The following SLC25A13 variants were observed in gnomAD, a reference collection of about 807,000 sequenced individuals.
SLC25A13 encodes the protein electrogenic aspartate/glutamate antiporter SLC25A13, mitochondrial.
Under a neutral mutation model 85.5 loss-of-function variants are expected in SLC25A13, and 70 were observed. The observed-to-expected ratio is 0.82, with a 90% CI of 0.68 to 1.00. The LOEUF is 1.00. Ranked by LOEUF, SLC25A13 falls within the 50% of genes least tolerant of loss-of-function variation. The probability of loss-of-function intolerance (pLI) is 0.00; values close to 1 mark genes in which losing one functional copy is unlikely to be tolerated. For missense variants in SLC25A13, 765 were observed against 819.8 expected, an observed-to-expected ratio of 0.93 and a Z score of 0.82; for synonymous variants, 259 against 288.7, an observed-to-expected ratio of 0.90 and a Z score of 1.04.
intron 11 of SLC25A13, among the ~76,000 whole-genome samples, chr7:96,173,970 G>A (rs557107711): frequency 2.0e-5 from 3 of 152,346 alleles, no homozygotes; most frequent in Non-Finnish European, 4.4e-5. Flanking sequence ...AGCAAGGAAA[G>A]CAGCCAATTG....
rs898770101 is a variant in SLC25A13, at chr7:96,120,603, T to C, written c.*588A>G. The stretch of plus-strand genomic sequence containing the variant: ...CTAGTAGTCTTGGTACCAGTAACAA[T>C]ATGATTACTAAACATCTCCAATGTG... On this transcript the variant is annotated 3_prime_UTR_variant, in exon 18 of 18. Coordinates refer to ENST00000265631, the MANE Select transcript of SLC25A13 (RefSeq NM_014251.3). The C allele has an allele frequency of 8.8e-6, 4 of 454,538 alleles. No homozygotes were observed. In the Admixed American group the frequency reaches 9.4e-5, roughly 11 times the overall value. 28.2% of individuals were successfully genotyped at this position (454,538 alleles called of 1,614,324 possible). A position where few individuals can be genotyped will look rare whatever the true frequency, so the allele number is the denominator to read the frequency against.
At chr7:96,142,703 T>C (rs1267304120) in intron 14 of SLC25A13, among the ~76,000 whole-genome samples, 1 of 152,186 alleles carries the variant, frequency 6.6e-6, no homozygotes, top group East Asian at 1.9e-4. Flanking sequence ...GGTAGAGAGA[T>C]AATTTTACTT....
intron 17 of SLC25A13, 117 bp downstream of exon 17, chr7:96,121,538 A>G: frequency 6.5e-6 from 9 of 1,393,898 alleles, no homozygotes; most frequent in Non-Finnish European, 9.2e-6. Context: ...CACAATTTCA[A>G]CATTTCCCTA....
At chr7:96,138,948 G>A (rs1289998701) in intron 14 of SLC25A13, among the ~76,000 whole-genome samples, 1 of 152,176 alleles carries the variant, frequency 6.6e-6, no homozygotes, top group East Asian at 1.9e-4. Context: ...CTGGCCTGGA[G>A]AGGTTGTTGA....
chr7:96,250,145 C>T (rs1266961949), intron 3 of SLC25A13, among the ~76,000 whole-genome samples: 1 of 152,058 alleles, frequency 6.6e-6, no homozygotes, highest in East Asian at 1.9e-4. Flanking sequence ...TGAGATCACA[C>T]CACTGCACTC....
rs1162187434 is a variant in SLC25A13 at position 96,310,902 on chromosome 7, T to C, written c.15+11040A>G. On this transcript the variant is annotated intron_variant, in intron 1 of 17. Coordinates refer to ENST00000265631, the MANE Select transcript of SLC25A13 (RefSeq NM_014251.3). The stretch of plus-strand genomic sequence containing the variant: ...AATATACATACCATAAAGTTTACCA[T>C]TGTAACCATTTTTAAGTATACAATT... 3.9e-5 allele frequency among the ~76,000 whole-genome samples: 6 copies of C among 152,186 alleles called. No homozygotes were observed. In the East Asian group the frequency reaches 5.8e-4, roughly 15 times the overall value.
At chr7:96,214,723 A>C (rs1450381988) in intron 4 of SLC25A13, among the ~76,000 whole-genome samples, 1 of 151,432 alleles carries the variant, frequency 6.6e-6, no homozygotes, top group South Asian at 2.1e-4. Context: ...ACTCCGTTGC[A>C]AAAAAATTAA....
chr7:96,235,674 G>A (rs1376446772), intron 3 of SLC25A13, among the ~76,000 whole-genome samples: 4 of 152,202 alleles, frequency 2.6e-5, no homozygotes, highest in African/African-American at 4.8e-5. Flanking sequence ...AAACTGATGA[G>A]TGACAGATTT....
chr7:96,223,789 GAAAAAAAAAAAAA>G (rs56882933), intron 4 of SLC25A13, among the ~76,000 whole-genome samples: 387 of 94,214 alleles, frequency 4.1e-3, no homozygotes, highest in African/African-American at 5.7e-3. Flanking sequence ...CTCCATCTCT[GAAAAAAAAAAAAA>G]AAAAAAAAAA....
intron 3 of SLC25A13, among the ~76,000 whole-genome samples, chr7:96,268,010 G>A (rs560584451): frequency 1.3e-5 from 2 of 152,224 alleles, no homozygotes; most frequent in East Asian, 3.9e-4. Flanking sequence ...AAAGACATAT[G>A]TGTGGTAAAT....
intron 4 of SLC25A13, among the ~76,000 whole-genome samples, chr7:96,210,601 G>C (rs1261710609): frequency 6.6e-6 from 1 of 152,108 alleles, no homozygotes; most frequent in Admixed American, 6.5e-5. Context: ...ACTTTCTTCA[G>C]TGCAAAACAT....
At chr7:96,187,021 T>C (rs888798596) in intron 9 of SLC25A13, among the ~76,000 whole-genome samples, 1 of 152,234 alleles carries the variant, frequency 6.6e-6, no homozygotes, top group Non-Finnish European at 1.5e-5. Context: ...TCTAAATTCA[T>C]ACTTCAGGTC....
chr7:96,158,781 T>C (rs566651012), intron 13 of SLC25A13, among the ~76,000 whole-genome samples: 1 of 152,382 alleles, frequency 6.6e-6, no homozygotes. Flanking sequence ...TCTAGTGATT[T>C]ATGTTTCATT....
chr7:96,173,949 G>A (rs1794111179), intron 11 of SLC25A13, among the ~76,000 whole-genome samples: 1 of 152,188 alleles, frequency 6.6e-6, no homozygotes, highest in South Asian at 2.1e-4. Context: ...ATGAAAAGAT[G>A]TCATGGGTGG....
intron 1 of SLC25A13, among the ~76,000 whole-genome samples, chr7:96,303,631 G>C (rs1450207932): frequency 1.3e-5 from 2 of 152,238 alleles, no homozygotes; most frequent in African/African-American, 4.8e-5. Flanking sequence ...ATGAAATTGA[G>C]TGAGATTTGG....
chr7:96,233,064 G>T (rs73710232), intron 4 of SLC25A13, among the ~76,000 whole-genome samples: 7 of 152,136 alleles, frequency 4.6e-5, no homozygotes, highest in Non-Finnish European at 7.3e-5. Flanking sequence ...CACTTCACAC[G>T]CATGAAGGGA....
chr7:96,236,754 C>G (rs1027942449), intron 3 of SLC25A13, among the ~76,000 whole-genome samples: 1 of 152,166 alleles, frequency 6.6e-6, no homozygotes, highest in African/African-American at 2.4e-5. Flanking sequence ...TGAAACCATG[C>G]CCCACAGGAT....
chr7:96,158,905 A>G (rs974738989), intron 13 of SLC25A13, among the ~76,000 whole-genome samples: 93 of 152,226 alleles, frequency 6.1e-4, no homozygotes, highest in African/African-American at 2.1e-3. Context: ...TACTAACTCA[A>G]TGTTAAATAG....
At chr7:96,265,164 T>C (rs1376182944) in intron 3 of SLC25A13, among the ~76,000 whole-genome samples, 1 of 152,216 alleles carries the variant, frequency 6.6e-6, no homozygotes, top group African/African-American at 2.4e-5. Context: ...TTTTCTCCTC[T>C]CTGTTACCTT....
Sources: allele counts gnomAD v4.1 joint callset (sites outside exome capture counted in the v4.1 genomes callset), GRCh38; gene constraint gnomAD v4.1.1; transcripts MANE v1.5; gene names NCBI Gene and HGNC (gene_info 2026-07-23, HGNC 2026-07-21).